Variants in SH3RF3 observed in about 807,000 individuals in gnomAD.
SH3RF3 encodes the protein SH3 domain containing ring finger 3.
SH3RF3 carries 29 observed loss-of-function variants against 66.3 expected under a neutral mutation model. That is an observed-to-expected ratio of 0.44 (90% CI 0.33 to 0.60). The LOEUF is 0.60. SH3RF3 is among the 20% of genes least tolerant of loss of function. The probability of loss-of-function intolerance (pLI) is 0.04; values close to 1 mark genes in which losing one functional copy is unlikely to be tolerated. For missense variants in SH3RF3, 1,194 were observed against 1,190.9 expected (o/e 1.00, Z -0.04); for synonymous variants, 583 against 532.0 (o/e 1.10, Z -1.32).
intron 6 of SH3RF3, among the ~76,000 whole-genome samples, chr2:109,434,095 T>A (rs567295126): frequency 6.6e-6 from 1 of 152,240 alleles, no homozygotes; most frequent in Non-Finnish European, 1.5e-5. Flanking sequence ...TGGCCTGGAG[T>A]TGGGCTCACC....
intron 2 of SH3RF3, among the ~76,000 whole-genome samples, chr2:109,366,404 G>GA (rs1437638565): frequency 6.6e-6 from 1 of 152,092 alleles, no homozygotes; most frequent in Non-Finnish European, 1.5e-5. Context: ...AAATTAAGTG[G>GA]AAAAAAGCAA....
At chr2:109,173,743 A>G (rs996906499) in intron 1 of SH3RF3, among the ~76,000 whole-genome samples, 1 of 152,214 alleles carries the variant, frequency 6.6e-6, no homozygotes, top group Non-Finnish European at 1.5e-5. Context: ...TAGGGGGACC[A>G]GGGACTGTGG....
At chr2:109,172,888 A>G (rs1026123832) in intron 1 of SH3RF3, among the ~76,000 whole-genome samples, 1 of 152,242 alleles carries the variant, frequency 6.6e-6, no homozygotes, top group Non-Finnish European at 1.5e-5. Context: ...CTTCCAAAAT[A>G]AACGTGCATG....
At chr2:109,488,823 G>A (rs756231916) in intron 8 of SH3RF3, among the ~76,000 whole-genome samples, 16 of 152,228 alleles carry the variant, frequency 1.1e-4, no homozygotes, top group African/African-American at 2.7e-4. Flanking sequence ...GGCCTGGCAC[G>A]GTGCACAAGA....
intron 1 of SH3RF3, among the ~76,000 whole-genome samples, chr2:109,210,002 T>C (rs1020983977): frequency 6.6e-6 from 1 of 152,234 alleles, no homozygotes; most frequent in Admixed American, 6.5e-5. Flanking sequence ...GTAACCTCTG[T>C]TATACTTTCT....
At chr2:109,429,869 C>T (rs983922212) in intron 5 of SH3RF3, among the ~76,000 whole-genome samples, 2 of 152,182 alleles carry the variant, frequency 1.3e-5, no homozygotes, top group Non-Finnish European at 2.9e-5. Context: ...CACCAAGCTC[C>T]ACGCTGTGCA....
chr2:109,297,045 G>A (rs940310729), intron 1 of SH3RF3, among the ~76,000 whole-genome samples: 11 of 152,140 alleles, frequency 7.2e-5, no homozygotes, highest in African/African-American at 2.6e-4. Context: ...CTGGGTATTT[G>A]GTGGGGCCAA....
chr2:109,263,913 G>A (rs1680417253), intron 1 of SH3RF3, among the ~76,000 whole-genome samples: 1 of 152,194 alleles, frequency 6.6e-6, no homozygotes, highest in South Asian at 2.1e-4. Flanking sequence ...AGCTTGCAGT[G>A]AGCCAAGATC....
chr2:109,501,393 G>T, intron 9 of SH3RF3, 110 bp from the exon 10 acceptor site: 1 of 566,836 alleles, frequency 1.8e-6, no homozygotes, highest in South Asian at 2.5e-5. Context: ...TGTATAAAGT[G>T]GGAAAATAGC....
chr2:109,462,142 C>T (rs1157500356), intron 8 of SH3RF3, among the ~76,000 whole-genome samples: 1 of 150,042 alleles, frequency 6.7e-6, no homozygotes, highest in African/African-American at 2.5e-5. Context: ...TTCTTGCTCA[C>T]TAGGTCCAGT....
chr2:109,402,128 G>A (rs531230462), intron 4 of SH3RF3, among the ~76,000 whole-genome samples: 2 of 152,364 alleles, frequency 1.3e-5, no homozygotes, highest in South Asian at 4.1e-4. Flanking sequence ...GGGCTCCAGT[G>A]TGCTGCTATG....
intron 1 of SH3RF3, among the ~76,000 whole-genome samples, chr2:109,216,120 C>G (rs1185050470): frequency 6.6e-6 from 1 of 152,130 alleles, no homozygotes; most frequent in African/African-American, 2.4e-5. Context: ...CGGGGGACAT[C>G]GTGAGGTCTG....
At chr2:109,294,962 C>T (rs112324591) in intron 1 of SH3RF3, among the ~76,000 whole-genome samples, 5,674 of 152,274 alleles carry the variant, frequency 0.037, 266 homozygotes, top group African/African-American at 0.1. Flanking sequence ...TTCTTTCAGC[C>T]GATGTTCATT....
At chr2:109,267,683 C>A (rs1680530303) in intron 1 of SH3RF3, among the ~76,000 whole-genome samples, 1 of 152,198 alleles carries the variant, frequency 6.6e-6, no homozygotes, top group Non-Finnish European at 1.5e-5. Context: ...AGGAGCCCCA[C>A]CCGTGATCCC....
chr2:109,193,437 G>C (rs545754249), intron 1 of SH3RF3, among the ~76,000 whole-genome samples: 188 of 152,246 alleles, frequency 1.2e-3, no homozygotes, highest in Non-Finnish European at 2.1e-3. Flanking sequence ...TCTCCTTACT[G>C]TCACCCCAGC....
rs111501428 is a variant in SH3RF3, at chr2:109,346,094, C to T, written c.574-1580C>T. On this transcript the variant is annotated intron_variant, in intron 1 of 9. Transcript: ENST00000309415. ...TGCTTGTCTTGCAAATTACCCCTTG[C>T]CTCCGCTCTCTAAAATTGGGGCTCG... Among the ~76,000 whole-genome samples, 1,256 of 152,326 alleles carry T rather than the reference C, an allele frequency of 8.2e-3. 9 individuals are homozygous for T. The highest frequency in any genetic ancestry group is 0.018 in the African/African-American group (762 of 41,570).
At chr2:109,419,462 A>G (rs1676813244) in intron 4 of SH3RF3, 77 bp from the exon 5 acceptor site, 1 of 1,421,870 alleles carries the variant, frequency 7.0e-7, no homozygotes, top group South Asian at 1.3e-5. Flanking sequence ...CTGTGGATGC[A>G]GCCTCATTTT....
chr2:109,474,165 G>C (rs1678610227), intron 8 of SH3RF3, among the ~76,000 whole-genome samples: 1 of 152,198 alleles, frequency 6.6e-6, no homozygotes, highest in African/African-American at 2.4e-5. Flanking sequence ...GGCCGCACCT[G>C]CGTAAGAGCA....
chr2:109,277,348 G>T (rs768448261), intron 1 of SH3RF3, among the ~76,000 whole-genome samples: 2 of 152,170 alleles, frequency 1.3e-5, no homozygotes, highest in African/African-American at 4.8e-5. Flanking sequence ...TATTTTCTCA[G>T]TGTCATTTCA....
Sources: allele counts gnomAD v4.1 joint callset (sites outside exome capture counted in the v4.1 genomes callset), GRCh38; gene constraint gnomAD v4.1.1; transcripts MANE v1.5; gene names NCBI Gene and HGNC (gene_info 2026-07-23, HGNC 2026-07-21).